The following CDK14 variants were observed in gnomAD, a reference collection of about 807,000 sequenced individuals.
CDK14 encodes cyclin-dependent kinase 14.
CDK14 carries 34 observed loss-of-function variants against 60.7 expected under a neutral mutation model. The ratio of observed to expected loss-of-function variants is 0.56; its 90% CI spans 0.43 to 0.75. CDK14 has a LOEUF of 0.75. Among genes scored for constraint, CDK14 ranks in the 30% least tolerant of loss-of-function variants. The pLI is 0.00. For missense variants in CDK14, 482 were observed against 564.1 expected (o/e 0.85, Z 1.47); for synonymous variants, 197 against 203.7 (o/e 0.97, Z 0.28).
chr7:91,092,970 C>T (rs1291995667), intron 12 of CDK14, among the ~76,000 whole-genome samples: 4 of 152,178 alleles, frequency 2.6e-5, no homozygotes, highest in African/African-American at 9.7e-5. Flanking sequence ...TTATTGCATA[C>T]ATCACAGAGT....
At chr7:90,920,876 G>A (rs10953026) in intron 8 of CDK14, among the ~76,000 whole-genome samples, 95,544 of 152,002 alleles carry the variant, frequency 0.63, 30,333 homozygotes, top group East Asian at 0.7. Flanking sequence ...AGTGAATTTG[G>A]AGACCCTTCA....
At position 90,692,625 on chromosome 7, in the gene CDK14, G is replaced by A. The variant is rs1237575861; in HGVS notation, c.124-33942G>A. The A allele has an allele frequency of 7.5e-6, 7 of 933,308 alleles. No homozygotes were observed. The African/African-American group carries it at 1.1e-4, about 14-fold the overall frequency. 57.8% of individuals were successfully genotyped at this position (933,308 alleles called of 1,614,324 possible). A position where few individuals can be genotyped will look rare whatever the true frequency, so the allele number is the denominator to read the frequency against. ...AGAAGAATGCATGAGGGCTCTGCCT[G>A]GTGGAGACTATGCTGGCGGGCCATG... On this transcript the variant is annotated intron_variant, in intron 2 of 14. Transcript: ENST00000380050.
chr7:90,708,740 A>G (rs182660199), intron 2 of CDK14, among the ~76,000 whole-genome samples: 69 of 152,344 alleles, frequency 4.5e-4, no homozygotes, highest in African/African-American at 1.5e-3. Flanking sequence ...CTTATCATTG[A>G]CACAGTAGTT....
intron 7 of CDK14, among the ~76,000 whole-genome samples, chr7:90,911,051 A>G (rs1385877818): frequency 2.0e-5 from 3 of 151,986 alleles, no homozygotes; most frequent in Admixed American, 6.6e-5. Context: ...TTTTCTTGCT[A>G]TGATACTTTG....
At chr7:90,737,792 T>G in intron 3 of CDK14, among the ~76,000 whole-genome samples, 1 of 152,214 alleles carries the variant, frequency 6.6e-6, no homozygotes, top group East Asian at 1.9e-4. Flanking sequence ...TCTCTCACCC[T>G]CATACCCACT....
chr7:90,747,087 G>A (rs909245485), intron 3 of CDK14, among the ~76,000 whole-genome samples: 4 of 152,122 alleles, frequency 2.6e-5, no homozygotes, highest in Admixed American at 6.6e-5. Context: ...GAATGACCAC[G>A]ACTGTGTTTC....
chr7:91,022,015 C>A (rs1796444811), intron 10 of CDK14, among the ~76,000 whole-genome samples: 1 of 152,142 alleles, frequency 6.6e-6, no homozygotes, highest in Non-Finnish European at 1.5e-5. Context: ...AAAGAGGGGG[C>A]CTGACAGTCA....
At chr7:90,750,978 A>C (rs924253613) in intron 4 of CDK14, among the ~76,000 whole-genome samples, 2 of 152,244 alleles carry the variant, frequency 1.3e-5, no homozygotes, top group Admixed American at 1.3e-4. Flanking sequence ...TTCTTAACCC[A>C]GACAAAAATA....
intron 14 of CDK14, among the ~76,000 whole-genome samples, chr7:91,153,781 A>G (rs1385432427): frequency 6.6e-6 from 1 of 152,214 alleles, no homozygotes; most frequent in African/African-American, 2.4e-5. Context: ...ACTAATGGGT[A>G]CTAGGCATAC....
intron 14 of CDK14, among the ~76,000 whole-genome samples, chr7:91,194,363 A>G (rs1233953300): frequency 2.0e-5 from 3 of 152,232 alleles, no homozygotes; most frequent in Non-Finnish European, 2.9e-5. Context: ...CATCTCACAC[A>G]GAACAACTGA....
At position 90,794,027 on chromosome 7, in the gene CDK14, A is replaced by G. The variant is rs137963506; in HGVS notation, c.544+3375A>G. Among the ~76,000 whole-genome samples the G allele has an allele frequency of 4.9e-3, 743 of 152,238 alleles. 3 individuals carry two copies. The highest frequency in any genetic ancestry group is 0.016 in the African/African-American group (671 of 41,540). On this transcript the variant is annotated intron_variant, in intron 5 of 14. Transcript: ENST00000380050. ...TAAGTGTCGGATGGTCTGAGAAATA[A>G]AGGGAAAGAGTACAAAAGAGAGAAA...
At chr7:91,132,176 A>G (rs1234519482) in intron 14 of CDK14, among the ~76,000 whole-genome samples, 4 of 152,102 alleles carry the variant, frequency 2.6e-5, no homozygotes, top group Non-Finnish European at 5.9e-5. Context: ...TATATGGGAG[A>G]GCAAATAAGG....
At chr7:90,803,878 A>AT (rs948637681) in intron 5 of CDK14, among the ~76,000 whole-genome samples, 7 of 152,044 alleles carry the variant, frequency 4.6e-5, no homozygotes, top group African/African-American at 4.8e-5. Flanking sequence ...GTCTAACAAG[A>AT]TTTTTTTTGT....
At chr7:90,765,810 C>CA in intron 4 of CDK14, among the ~76,000 whole-genome samples, 1 of 151,836 alleles carries the variant, frequency 6.6e-6, no homozygotes, top group South Asian at 2.1e-4. Flanking sequence ...GGGGAATAAT[C>CA]GAGTATGTAT....
At chr7:90,990,272 C>T (rs1170175378) in intron 10 of CDK14, among the ~76,000 whole-genome samples, 2 of 151,944 alleles carry the variant, frequency 1.3e-5, no homozygotes, top group East Asian at 1.9e-4. Context: ...AGTGAGACCC[C>T]GTCTCTAGAA....
chr7:90,936,747 A>G (rs958478875), intron 8 of CDK14, among the ~76,000 whole-genome samples: 2 of 152,176 alleles, frequency 1.3e-5, no homozygotes, highest in African/African-American at 4.8e-5. Flanking sequence ...ACTTCCTGGT[A>G]CACGAATGCA....
At chr7:90,964,091 A>G (rs1293005432) in intron 9 of CDK14, among the ~76,000 whole-genome samples, 1 of 152,222 alleles carries the variant, frequency 6.6e-6, no homozygotes, top group Non-Finnish European at 1.5e-5. Context: ...AAAGATCAGT[A>G]ACAAGCGTCA....
At chr7:91,112,776 G>C (rs753954679) in intron 13 of CDK14, 95 bp downstream of exon 13, 9 of 1,307,342 alleles carry the variant, frequency 6.9e-6, no homozygotes, top group African/African-American at 1.4e-5. Context: ...TCACATATTT[G>C]TGTGTCCACA....
intron 2 of CDK14, among the ~76,000 whole-genome samples, chr7:90,653,488 A>T (rs1487183415): frequency 6.6e-6 from 1 of 151,686 alleles, no homozygotes; most frequent in East Asian, 1.9e-4. Flanking sequence ...GATCCTAGGA[A>T]CCACTCCTTG....
Sources: gnomAD v4.1 joint callset for allele counts (sites outside exome capture counted in the v4.1 genomes callset) on GRCh38, gnomAD v4.1.1 for gene constraint, MANE v1.5 for transcripts, NCBI Gene and HGNC (gene_info 2026-07-23, HGNC 2026-07-21) for gene names.